HFM1: variants seen among roughly 807,000 people sequenced by gnomAD.
HFM1 encodes helicase for meiosis 1, also known as probable ATP-dependent DNA helicase HFM1.
In HFM1, 169 loss-of-function variants were observed where a neutral mutation model predicts 192.1. The ratio of observed to expected loss-of-function variants is 0.88; its 90% CI spans 0.78 to 1.00. HFM1 has a LOEUF of 1.00. Ranked by LOEUF, HFM1 falls within the 50% of genes least tolerant of loss-of-function variation. The pLI is 0.00. For missense variants in HFM1, 1,661 were observed against 1,668.0 expected (o/e 1.00, Z 0.07); for synonymous variants, 525 against 537.8 (o/e 0.98, Z 0.33).
Position 91,262,405 on chromosome 1 carries a change from T to C in HFM1, c.4087-13A>G. ...CTTGAAAATGGACCTACATTTGAGA[T>C]AAAAAATAACAATCATTGAAAGTTT... On this transcript the variant is annotated splice_polypyrimidine_tract_variant and intron_variant, in intron 37 of 38. Coordinates refer to ENST00000370425, the MANE Select transcript of HFM1 (RefSeq NM_001017975.6). The C allele has an allele frequency of 1.3e-6, 2 of 1,581,934 alleles. No homozygotes were observed. The highest frequency in any genetic ancestry group is 1.7e-6 in the Non-Finnish European group (2 of 1,163,478).
intron 30 of HFM1, among the ~76,000 whole-genome samples, chr1:91,282,004 CACAATGTTCT>C (rs1667502506): frequency 6.6e-6 from 1 of 152,144 alleles, no homozygotes; most frequent in African/African-American, 2.4e-5. Context: ...TGTCTTTATC[CACAATGTTCT>C]GAAATATTGC....
At chr1:91,275,476 C>G (rs1666722347) in intron 32 of HFM1, among the ~76,000 whole-genome samples, 1 of 152,180 alleles carries the variant, frequency 6.6e-6, no homozygotes, top group African/African-American at 2.4e-5. Flanking sequence ...ACATCCTTAG[C>G]TAGACATCTT....
chr1:91,385,044 C>T (rs1557504840), intron 6 of HFM1, 143 bp downstream of exon 6: 3 of 592,984 alleles, frequency 5.1e-6, no homozygotes, highest in Non-Finnish European at 8.8e-6. Flanking sequence ...CACCCGGCCA[C>T]ATGTACCTCT....
At position 91,394,192 on chromosome 1, in the gene HFM1, A is replaced by G. The variant is rs1663351797; in HGVS notation, c.395T>C (p.Ile132Thr). Residue 132 changes from isoleucine (I) to threonine (T), a missense_variant, in exon 4 of 39, where the codon ATT becomes ACT. By Grantham distance (89) the Ile-to-Thr change is moderately conservative. Transcript: ENST00000370425. ...TYASQKYKNH[I>T]GTEIAPEKSV... ...CTTCTCAGGTGCTATCTCAGTGCCA[A>G]TGTGATTTTTATATTTCTGAGAAGC... 6.2e-7 allele frequency: 1 copy of G among 1,605,158 alleles called. No individual in the cohort carries two copies. Among genetic ancestry groups the G allele is most frequent in the East Asian group, 2.2e-5 (1 of 44,742 alleles).
chr1:91,316,793 C>G (rs763893574), intron 25 of HFM1, among the ~76,000 whole-genome samples: 11 of 152,092 alleles, frequency 7.2e-5, no homozygotes, highest in Non-Finnish European at 1.2e-4. Context: ...TTTTTGTACT[C>G]ATGCTTGAAA....
intron 30 of HFM1, among the ~76,000 whole-genome samples, chr1:91,283,442 A>G (rs150797966): frequency 6.6e-6 from 1 of 152,170 alleles, no homozygotes; most frequent in East Asian, 1.9e-4. Flanking sequence ...CAGGGTTTGT[A>G]AAGACCAGCC....
At chr1:91,375,179 G>T (rs575985134) in intron 13 of HFM1, among the ~76,000 whole-genome samples, 179 bp downstream of exon 13, 1 of 152,090 alleles carries the variant, frequency 6.6e-6, no homozygotes, top group South Asian at 2.1e-4. Flanking sequence ...AAGAAATCTG[G>T]ATCACCCCTG....
chr1:91,378,568 G>T (rs542253043), intron 9 of HFM1, 88 bp from the exon 10 acceptor site: 1 of 765,538 alleles, frequency 1.3e-6, no homozygotes. Context: ...TTAACATGAC[G>T]TATTACAAAT....
chr1:91,265,734 T>G (rs1158906891), intron 36 of HFM1, among the ~76,000 whole-genome samples: 2 of 152,222 alleles, frequency 1.3e-5, no homozygotes, highest in Non-Finnish European at 2.9e-5. Flanking sequence ...TTTTCAAGTC[T>G]TGTTAAAAGT....
chr1:91,403,787 C>G (rs1460747089), intron 1 of HFM1, among the ~76,000 whole-genome samples: 1 of 152,028 alleles, frequency 6.6e-6, no homozygotes, highest in East Asian at 1.9e-4. Context: ...ATGACAATCT[C>G]TAGTTAAATA....
intron 18 of HFM1, among the ~76,000 whole-genome samples, chr1:91,349,457 C>T (rs1199027805): frequency 6.6e-6 from 1 of 152,132 alleles, no homozygotes; most frequent in African/African-American, 2.4e-5. Context: ...AGTACTGCTG[C>T]TTCTGATTTA....
At chr1:91,358,173 C>A (rs1368522503) in intron 13 of HFM1, among the ~76,000 whole-genome samples, 2 of 152,074 alleles carry the variant, frequency 1.3e-5, no homozygotes, top group African/African-American at 4.8e-5. Flanking sequence ...CATGGTGAAA[C>A]CCCATCTCTA....
At chr1:91,369,140 A>C (rs1659806022) in intron 13 of HFM1, among the ~76,000 whole-genome samples, 1 of 152,176 alleles carries the variant, frequency 6.6e-6, no homozygotes, top group Admixed American at 6.5e-5. Context: ...ACTCCCACAC[A>C]ATAATAATGG....
At chr1:91,340,777 A>C (rs569004875) in intron 20 of HFM1, among the ~76,000 whole-genome samples, 1 of 152,340 alleles carries the variant, frequency 6.6e-6, no homozygotes, top group Admixed American at 6.5e-5. Context: ...GGAAAACAAA[A>C]AAAGCAGGGG....
chr1:91,353,696 C>T (rs1447823276), intron 13 of HFM1, among the ~76,000 whole-genome samples: 2 of 146,964 alleles, frequency 1.4e-5, no homozygotes, highest in Non-Finnish European at 3.0e-5. Flanking sequence ...CATAGTGTTT[C>T]CAGTGCTCTG....
chr1:91,329,054 G>A (rs1382070548), intron 20 of HFM1: 8 of 1,610,870 alleles, frequency 5.0e-6, no homozygotes, highest in Admixed American at 1.7e-5. Flanking sequence ...TTGTGGATCT[G>A]TGCATCCTGC....
intron 30 of HFM1, among the ~76,000 whole-genome samples, chr1:91,312,054 C>T (rs917405710): frequency 6.6e-6 from 1 of 152,202 alleles, no homozygotes; most frequent in Non-Finnish European, 1.5e-5. Context: ...GGTTTGGGAA[C>T]CTCCACCTGG....
Position 91,385,233 on chromosome 1 carries a change from C to T in HFM1, c.756G>A (p.Glu252=), listed in dbSNP as rs777626054. Residue 252 remains glutamate (E), a splice_region_variant and synonymous_variant, in exon 6 of 39, where the codon GAG becomes GAA. Coordinates refer to ENST00000370425, the MANE Select transcript of HFM1 (RefSeq NM_001017975.6). ...SVAFQPHDIQ[E]VTENGLGSLK... ...AGGAACCTAAACCATTTTCTGTTAC[C>T]TCTGAAAAAAAAATGCTACATATTT... 2.6e-6 allele frequency: 4 copies of T among 1,536,692 alleles called. No homozygotes were observed. Among genetic ancestry groups the T allele is most frequent in the Non-Finnish European group, 3.6e-6 (4 of 1,119,904 alleles).
At chr1:91,338,254 G>A (rs1188421819) in intron 20 of HFM1, among the ~76,000 whole-genome samples, 1 of 152,200 alleles carries the variant, frequency 6.6e-6, no homozygotes, top group African/African-American at 2.4e-5. Flanking sequence ...GTTTGGCACA[G>A]GAATGGCTAC....
Sources: gnomAD v4.1 joint callset for allele counts (sites outside exome capture counted in the v4.1 genomes callset) on GRCh38, gnomAD v4.1.1 for gene constraint, MANE v1.5 for transcripts, NCBI Gene and HGNC (gene_info 2026-07-23, HGNC 2026-07-21) for gene names.